Variants in ATP6V0A4 observed in about 807,000 individuals in gnomAD.
The protein encoded by ATP6V0A4 is ATPase H+ transporting V0 subunit a4.
Under a neutral mutation model 107.3 loss-of-function variants are expected in ATP6V0A4, and 86 were observed. The ratio of observed to expected loss-of-function variants is 0.80; its 90% CI spans 0.67 to 0.96. The LOEUF is 0.96. Among genes scored for constraint, ATP6V0A4 ranks in the 40% least tolerant of loss-of-function variants. ATP6V0A4 has a pLI of 0.00. For synonymous variants in ATP6V0A4, 353 were observed against 381.4 expected, an observed-to-expected ratio of 0.93 and a Z score of 0.87; for missense variants, 908 against 1,045.6, an observed-to-expected ratio of 0.87 and a Z score of 1.81.
intron 11 of ATP6V0A4, among the ~76,000 whole-genome samples, chr7:138,752,271 G>A (rs955235625): frequency 2.6e-5 from 4 of 152,068 alleles, no homozygotes; most frequent in Non-Finnish European, 4.4e-5. Flanking sequence ...TCGGGAGGCT[G>A]AGGCAGGAGA....
intron 17 of ATP6V0A4, among the ~76,000 whole-genome samples, chr7:138,732,648 G>A (rs1805078004): frequency 6.6e-6 from 1 of 152,028 alleles, no homozygotes; most frequent in South Asian, 2.1e-4. Flanking sequence ...ACAAAAATTA[G>A]CCAGGCGTGG....
At chr7:138,792,959 A>G (rs1333304395) in intron 1 of ATP6V0A4, among the ~76,000 whole-genome samples, 4 of 152,110 alleles carry the variant, frequency 2.6e-5, no homozygotes, top group Non-Finnish European at 5.9e-5. Flanking sequence ...TAGCTACAGC[A>G]ATATCAGACA....
chr7:138,749,101 T>A, intron 12 of ATP6V0A4, 66 bp downstream of exon 12: 1 of 1,593,298 alleles, frequency 6.3e-7, no homozygotes, highest in South Asian at 1.1e-5. Context: ...CTCGGTCACC[T>A]CAGGGGTCCA....
chr7:138,721,854 T>C, intron 19 of ATP6V0A4, 43 bp downstream of exon 19: 1 of 1,610,250 alleles, frequency 6.2e-7, no homozygotes. Context: ...CTAGAATTTG[T>C]ACAAACTGGG....
intron 5 of ATP6V0A4, among the ~76,000 whole-genome samples, chr7:138,764,072 C>G: frequency 6.7e-6 from 1 of 149,490 alleles, no homozygotes; most frequent in Non-Finnish European, 1.5e-5. Context: ...TAGCAAGTTG[C>G]AGAAGAATAA....
At chr7:138,740,527 C>T (rs1166625474) in intron 14 of ATP6V0A4, among the ~76,000 whole-genome samples, 1 of 149,884 alleles carries the variant, frequency 6.7e-6, no homozygotes, top group Non-Finnish European at 1.5e-5. Flanking sequence ...CCCCCACCCC[C>T]CAACCCCAGG....
At chr7:138,724,189 C>CAAAAA (rs3080498) in intron 18 of ATP6V0A4, among the ~76,000 whole-genome samples, 30 of 92,748 alleles carry the variant, frequency 3.2e-4, no homozygotes, top group Middle Eastern at 6.7e-3. Context: ...GACTCTGCCT[C>CAAAAA]AAAAAAAAAA....
intron 1 of ATP6V0A4, among the ~76,000 whole-genome samples, chr7:138,795,694 G>A (rs1056079351): frequency 6.6e-6 from 1 of 152,230 alleles, no homozygotes; most frequent in Admixed American, 6.5e-5. Flanking sequence ...AGGCTGGAGT[G>A]CAGTGGTGCC....
intron 2 of ATP6V0A4, among the ~76,000 whole-genome samples, chr7:138,778,584 G>T (rs1366294547): frequency 4.6e-5 from 7 of 152,162 alleles, no homozygotes. Context: ...CAGCAGAAAA[G>T]TTCCAAAGAA....
At position 138,773,237 on chromosome 7, in the gene ATP6V0A4, G is replaced by C. The variant is rs895228610; in HGVS notation, c.-17-1973C>G. ...TCCTCTGTGTCCTCCTCCAGCTTTG[G>C]CCTCTCCAGGGACCCTGCATTTCTC... On this transcript the variant is annotated intron_variant, in intron 2 of 21. Coordinates refer to ENST00000310018, the MANE Select transcript of ATP6V0A4 (RefSeq NM_020632.3). This position sits in a 1 kb window ranked among gnomAD's most constrained non-coding sequence, Gnocchi z 5.4. Among the ~76,000 whole-genome samples, 1 of 152,094 alleles carries C rather than the reference G, an allele frequency of 6.6e-6. No individual in the cohort carries two copies. Among genetic ancestry groups the C allele is most frequent in the Non-Finnish European group, 1.5e-5 (1 of 68,020 alleles).
intron 2 of ATP6V0A4, among the ~76,000 whole-genome samples, chr7:138,781,030 G>A (rs2130186235): frequency 6.6e-6 from 1 of 152,330 alleles, no homozygotes; most frequent in African/African-American, 2.4e-5. Flanking sequence ...GTCTACAATA[G>A]TTGTTATTCT....
intron 18 of ATP6V0A4, among the ~76,000 whole-genome samples, chr7:138,726,841 T>C (rs1026921938): frequency 6.6e-6 from 1 of 152,054 alleles, no homozygotes; most frequent in African/African-American, 2.4e-5. Flanking sequence ...GAAGGCAGAC[T>C]AGGAAAACCC....
chr7:138,711,426 T>C (rs1023394582), intron 20 of ATP6V0A4, among the ~76,000 whole-genome samples: 8 of 152,220 alleles, frequency 5.3e-5, no homozygotes, highest in Admixed American at 1.3e-4. Flanking sequence ...GCCTGGGATA[T>C]GCACCTTGCA....
At chr7:138,782,403 C>T (rs1359422373) in intron 2 of ATP6V0A4, among the ~76,000 whole-genome samples, 1 of 152,196 alleles carries the variant, frequency 6.6e-6, no homozygotes, top group East Asian at 1.9e-4. Context: ...AATTAATTAT[C>T]TCGGCAAAGA....
At chr7:138,754,445 T>C (rs1806405103) in intron 10 of ATP6V0A4, among the ~76,000 whole-genome samples, 1 of 114,532 alleles carries the variant, frequency 8.7e-6, no homozygotes, top group African/African-American at 3.4e-5. Context: ...CAAAACTCCA[T>C]CTCAAAAAAA....
intron 1 of ATP6V0A4, among the ~76,000 whole-genome samples, chr7:138,786,668 C>A (rs1025199559): frequency 6.6e-6 from 1 of 151,642 alleles, no homozygotes; most frequent in Non-Finnish European, 1.5e-5. Context: ...GAGAGAGAGA[C>A]AGATTGAGAG....
At chr7:138,765,435 T>A (rs894549604) in intron 5 of ATP6V0A4, among the ~76,000 whole-genome samples, 1 of 152,210 alleles carries the variant, frequency 6.6e-6, no homozygotes, top group African/African-American at 2.4e-5. Flanking sequence ...TGTAAAAGTA[T>A]AGCTGCATGA....
chr7:138,749,492 C>T (rs1399545058), intron 11 of ATP6V0A4, 175 bp from the exon 12 acceptor site: 2 of 207,842 alleles, frequency 9.6e-6, no homozygotes, highest in South Asian at 3.5e-4. Flanking sequence ...CTTCCCAATA[C>T]TTATCCAATT....
chr7:138,722,637 C>A (rs111912785), intron 18 of ATP6V0A4, among the ~76,000 whole-genome samples: 3,170 of 143,020 alleles, frequency 0.022, 38 homozygotes, highest in Non-Finnish European at 0.034. Flanking sequence ...CCCAGCTACC[C>A]GGGAGGCTGA....
Sources: allele counts gnomAD v4.1 joint callset (sites outside exome capture counted in the v4.1 genomes callset), GRCh38; gene constraint gnomAD v4.1.1; non-coding constraint Gnocchi (gnomAD v3.1); transcripts MANE v1.5; gene names NCBI Gene and HGNC (gene_info 2026-07-23, HGNC 2026-07-21).